SMC1B: variants seen among roughly 807,000 people sequenced by gnomAD.
SMC1B encodes structural maintenance of chromosomes 1B.
Under a neutral mutation model 157.9 loss-of-function variants are expected in SMC1B, and 60 were observed. The ratio of observed to expected loss-of-function variants is 0.38; its 90% CI spans 0.31 to 0.47. The LOEUF (loss-of-function observed/expected upper bound fraction) is 0.47. Ranked by LOEUF, SMC1B falls within the 20% of genes least tolerant of loss-of-function variation. The pLI, the probability that SMC1B is intolerant of heterozygous loss-of-function variation, is 0.99. For synonymous variants in SMC1B, 445 were observed against 483.0 expected (o/e 0.92, Z 1.03); for missense variants, 1,165 against 1,426.2 (o/e 0.82, Z 2.95).
In SMC1B at chr22:45,386,928, A is replaced by C; in HGVS notation, c.1850T>G (p.Leu617Arg). The stretch of plus-strand genomic sequence containing the variant: ...TGCTTCTTCCATAGTCTCACAAACA[A>C]GACCATTTCCACACACAAACTGAAT... The part of the protein sequence containing the change: ...KVIQFVCGNG[L>R]VCETMEEARH... Residue 617 changes from leucine (L) to arginine (R), a missense_variant, in exon 11 of 25, where the codon CTT (leucine) becomes CGT (arginine). Leu to Arg is a moderately radical substitution (Grantham distance 102, BLOSUM62 -2). Transcript: ENST00000357450. The C allele has an allele frequency of 6.2e-7, 1 of 1,614,142 alleles. No homozygotes were observed. The highest frequency in any genetic ancestry group is 1.1e-5 in the South Asian group (1 of 91,086).
At position 45,358,737 on chromosome 22, in the gene SMC1B, G is replaced by C. The variant is rs772770136; in HGVS notation, c.2921C>G (p.Ala974Gly). The C allele has an allele frequency of 6.2e-7, 1 of 1,612,868 alleles. No individual in the cohort carries two copies. The highest frequency in any genetic ancestry group is 2.2e-5 in the East Asian group (1 of 44,768). Residue 974 changes from alanine (A) to glycine (G), a missense_variant, in exon 19 of 25, where the codon GCC becomes GGC. Physicochemically the swap from Ala to Gly is moderately conservative, Grantham distance 60. Coordinates refer to ENST00000357450, the MANE Select transcript of SMC1B (RefSeq NM_148674.5). ...TAGAGAGCTGTAGTCTATTTCAAAGGCTTCTTCTTTTTCATAGATATCAAT... is the reference window on the plus strand; with the variant it reads ...TAGAGAGCTGTAGTCTATTTCAAAGCCTTCTTCTTTTTCATAGATATCAAT... ...ATIDIYEKEE[A>G]FEIDYSSLKE... is the part of the protein sequence containing the mutation.
chr22:45,344,495 A>T lies in SMC1B; in HGVS notation c.*61T>A, dbSNP rs2086530353. ...TTGCTCCAGAAGTCTCCTGTGGAGG[A>T]GCTGTGTGAGTATTAGAGTGGGAAC... On this transcript the variant is annotated 3_prime_UTR_variant, in exon 25 of 25. Coordinates refer to ENST00000357450, the MANE Select transcript of SMC1B (RefSeq NM_148674.5). 10 of 1,189,284 alleles carry T rather than the reference A, an allele frequency of 8.4e-6. No individual in the cohort carries two copies. In the Admixed American group the frequency reaches 1.7e-4, roughly 21 times the overall value. 73.7% of individuals were successfully genotyped at this position (1,189,284 alleles called of 1,614,324 possible).
At position 45,344,481 on chromosome 22, in the gene SMC1B, G is replaced by T; in HGVS notation, c.*75C>A. ...CAGGCTGGTCCTGCTTGCTCCAGAA[G>T]TCTCCTGTGGAGGAGCTGTGTGAGT... On this transcript the variant is annotated 3_prime_UTR_variant, in exon 25 of 25. Coordinates refer to ENST00000357450, the MANE Select transcript of SMC1B (RefSeq NM_148674.5). 1 of 1,065,710 alleles carries T rather than the reference G, an allele frequency of 9.4e-7. No individual in the cohort carries two copies. Among genetic ancestry groups the T allele is most frequent in the Non-Finnish European group, 1.4e-6 (1 of 691,570 alleles). 66.0% of individuals were successfully genotyped at this position (1,065,710 alleles called of 1,614,324 possible).
chr22:45,381,261 G>C (rs2086934064), intron 12 of SMC1B, among the ~76,000 whole-genome samples: 1 of 152,082 alleles, frequency 6.6e-6, no homozygotes, highest in East Asian at 1.9e-4. Context: ...TTTGCCCACT[G>C]AGGATCATGT....
At chr22:45,386,573 A>AAAC (rs10694878) in intron 11 of SMC1B, among the ~76,000 whole-genome samples, 73,918 of 150,882 alleles carry the variant, frequency 0.49, 21,182 homozygotes, top group African/African-American at 0.8. Flanking sequence ...ATAAGGTTTA[A>AAAC]AACAACAACA....
chr22:45,348,101 CTT>C (rs2086570414), intron 23 of SMC1B, among the ~76,000 whole-genome samples: 1 of 152,220 alleles, frequency 6.6e-6, no homozygotes, highest in Non-Finnish European at 1.5e-5. Flanking sequence ...GAGCCCAGCT[CTT>C]TTAGGTGGGC....
At chr22:45,345,708 C>T (rs2086544384) in intron 23 of SMC1B, 139 bp from the exon 24 acceptor site, 1 of 592,864 alleles carries the variant, frequency 1.7e-6, no homozygotes, top group South Asian at 2.1e-5. Context: ...TTCAATAAAT[C>T]CTCAACAACT....
At chr22:45,377,728 G>T (rs1270364108) in intron 12 of SMC1B, among the ~76,000 whole-genome samples, 1 of 152,046 alleles carries the variant, frequency 6.6e-6, no homozygotes, top group Non-Finnish European at 1.5e-5. Flanking sequence ...TAGAGATGGG[G>T]TCTTACCATG....
chr22:45,365,963 A>T (rs2086771715), intron 15 of SMC1B, among the ~76,000 whole-genome samples: 1 of 152,064 alleles, frequency 6.6e-6, no homozygotes, highest in African/African-American at 2.4e-5. Context: ...TTCTCCACAA[A>T]TCTATCAATC....
At chr22:45,360,826 CAG>C in intron 17 of SMC1B, among the ~76,000 whole-genome samples, 1 of 152,212 alleles carries the variant, frequency 6.6e-6, no homozygotes, top group East Asian at 1.9e-4. Flanking sequence ...TGAGCAAAAA[CAG>C]AGAATTAACT....
At chr22:45,345,021 T>A (rs1310571356) in intron 24 of SMC1B, among the ~76,000 whole-genome samples, 1 of 152,214 alleles carries the variant, frequency 6.6e-6, no homozygotes, top group African/African-American at 2.4e-5. Flanking sequence ...AAAGGTGTGT[T>A]CACATTTTAG....
At chr22:45,360,095 C>A in intron 17 of SMC1B, 137 bp from the exon 18 acceptor site, 1 of 639,258 alleles carries the variant, frequency 1.6e-6, no homozygotes, top group Non-Finnish European at 2.6e-6. Context: ...AGAATCCTCT[C>A]ATTGATGCTT....
At chr22:45,382,611 A>G (rs1211264383) in intron 12 of SMC1B, among the ~76,000 whole-genome samples, 1 of 143,314 alleles carries the variant, frequency 7.0e-6, no homozygotes, top group East Asian at 2.1e-4. Flanking sequence ...CTGCTATTGT[A>G]TATAAATTAT....
At position 45,365,062 on chromosome 22, in the gene SMC1B, C is replaced by A. The variant is rs746972093; in HGVS notation, c.2421-2036G>T. Among the ~76,000 whole-genome samples the A allele has an allele frequency of 2.6e-5, 4 of 152,180 alleles. No homozygotes were observed. The South Asian group carries it at 6.2e-4, about 24-fold the overall frequency. On this transcript the variant is annotated intron_variant, in intron 15 of 24. Transcript: ENST00000357450. ...CCGTGTTAGCCAGGATGGTCTCGAT[C>A]GCCTGACCTCGTGATCCGCCCACCT...
Position 45,413,545 on chromosome 22 carries a change from A to G in SMC1B, c.23T>C (p.Leu8Pro). Residue 8 changes from leucine to proline, a missense_variant, in exon 1 of 25, where the codon CTT (leucine) becomes CCT (proline). Physicochemically the swap from Leu to Pro is moderately conservative, Grantham distance 98. Coordinates refer to ENST00000357450, the MANE Select transcript of SMC1B (RefSeq NM_148674.5). The stretch of plus-strand genomic sequence containing the variant: ...CCGCCACGACTTGAAATTTTCCACA[A>G]GCAGCAGCTCCAGGTGGGCCATGGC... The part of the protein sequence containing the change: MAHLELL[L>P]VENFKSWRGR... 6.2e-7 allele frequency: 1 copy of G among 1,611,106 alleles called. No homozygotes were observed. Among genetic ancestry groups the G allele is most frequent in the Non-Finnish European group, 8.5e-7 (1 of 1,178,672 alleles).
At chr22:45,347,388 AG>A (rs1274463644) in intron 23 of SMC1B, among the ~76,000 whole-genome samples, 24 of 152,330 alleles carry the variant, frequency 1.6e-4, no homozygotes, top group Admixed American at 1.6e-3. Context: ...ATACAATTTG[AG>A]AAATGCTCAA....
intron 12 of SMC1B, among the ~76,000 whole-genome samples, chr22:45,372,714 G>GTGTTTT (rs551576069): frequency 1.5e-5 from 1 of 66,574 alleles, no homozygotes; most frequent in African/African-American, 1.5e-4. Context: ...TTGACTCCAG[G>GTGTTTT]TCTTTTTTTT....
At position 45,399,153 on chromosome 22, in the gene SMC1B, T is replaced by A. The variant is rs1416953647; in HGVS notation, c.1055A>T (p.Lys352Met). The A allele has an allele frequency of 6.2e-7, 1 of 1,613,884 alleles. No individual in the cohort carries two copies. The highest frequency in any genetic ancestry group is 1.3e-5 in the African/African-American group (1 of 74,942). Residue 352 changes from lysine to methionine, a missense_variant, in exon 6 of 25, where the codon AAG (lysine) becomes ATG (methionine). Lys to Met is a moderately conservative substitution (Grantham distance 95). Coordinates refer to ENST00000357450, the MANE Select transcript of SMC1B (RefSeq NM_148674.5). The stretch of plus-strand genomic sequence containing the variant: ...ATGTAAAATTTCTTCCTCAATCTGC[T>A]TTTCAAAACTTCTCCATGCAGCATC... The part of the protein sequence containing the change: ...DLDAAWRSFE[K>M]QIEEEILHKK...
chr22:45,373,926 A>G (rs2086858472), intron 12 of SMC1B, among the ~76,000 whole-genome samples: 1 of 152,216 alleles, frequency 6.6e-6, no homozygotes, highest in Admixed American at 6.5e-5. Flanking sequence ...GTATTTTCCA[A>G]TAAAAATATA....
Sources: allele counts gnomAD v4.1 joint callset (sites outside exome capture counted in the v4.1 genomes callset), GRCh38; gene constraint gnomAD v4.1.1; transcripts MANE v1.5; gene names NCBI Gene and HGNC (gene_info 2026-07-23, HGNC 2026-07-21).